The following TMEM132D variants were observed in gnomAD, a reference collection of about 807,000 sequenced individuals.
TMEM132D encodes the protein transmembrane protein 132D, also known as mature OL transmembrane protein.
Under a neutral mutation model 62.3 loss-of-function variants are expected in TMEM132D, and 21 were observed. That is an observed-to-expected ratio of 0.34 (90% CI 0.24 to 0.49). The LOEUF (loss-of-function observed/expected upper bound fraction) is 0.49. Among genes scored for constraint, TMEM132D ranks in the 20% least tolerant of loss-of-function variants. TMEM132D has a pLI of 0.99. For missense variants in TMEM132D, 1,346 were observed against 1,402.8 expected (o/e 0.96, Z 0.65); for synonymous variants, 621 against 575.6 (o/e 1.08, Z -1.13).
chr12:129,460,072 T>G (rs571985080), intron 3 of TMEM132D, among the ~76,000 whole-genome samples: 2 of 152,202 alleles, frequency 1.3e-5, no homozygotes, highest in Non-Finnish European at 2.9e-5. Context: ...GACTCACTTT[T>G]GGCAGCAGAC....
chr12:129,468,526 AAG>A (rs1260540354), intron 3 of TMEM132D, among the ~76,000 whole-genome samples: 4 of 152,148 alleles, frequency 2.6e-5, no homozygotes, highest in African/African-American at 9.7e-5. Context: ...AGCCTCAGAC[AAG>A]CTCCAAGGGC....
intron 3 of TMEM132D, among the ~76,000 whole-genome samples, chr12:129,488,914 T>C (rs551832927): frequency 5.9e-5 from 9 of 152,262 alleles, no homozygotes; most frequent in Non-Finnish European, 8.8e-5. Flanking sequence ...GCCTGGGTGA[T>C]AGATAGGCTC....
intron 3 of TMEM132D, among the ~76,000 whole-genome samples, chr12:129,517,340 T>C (rs1433715087): frequency 6.6e-6 from 1 of 152,194 alleles, no homozygotes; most frequent in Non-Finnish European, 1.5e-5. Context: ...TTGAAGAAGC[T>C]GGTACATATT....
intron 3 of TMEM132D, among the ~76,000 whole-genome samples, chr12:129,499,169 GA>G (rs1875050200): frequency 6.6e-6 from 1 of 152,028 alleles, no homozygotes; most frequent in Non-Finnish European, 1.5e-5. Flanking sequence ...AGACAATACT[GA>G]AAAACAAAAA....
chr12:129,735,142 A>C (rs184780926), intron 1 of TMEM132D, among the ~76,000 whole-genome samples: 2 of 152,382 alleles, frequency 1.3e-5, no homozygotes, highest in East Asian at 3.9e-4. Flanking sequence ...ACACCTCTTA[A>C]TTACAGAGCA....
intron 4 of TMEM132D, among the ~76,000 whole-genome samples, chr12:129,275,551 G>A (rs1474682438): frequency 6.6e-6 from 1 of 152,176 alleles, no homozygotes; most frequent in Non-Finnish European, 1.5e-5. Context: ...ATATCCCCTG[G>A]AGCTGAGACA....
At chr12:129,453,089 C>G (rs767126827) in intron 3 of TMEM132D, among the ~76,000 whole-genome samples, 4 of 152,190 alleles carry the variant, frequency 2.6e-5, no homozygotes, top group African/African-American at 9.6e-5. Context: ...CTATTGTGAA[C>G]TGCGTATGCA....
rs1159859983 is a variant in TMEM132D at position 129,356,302 on chromosome 12, G to A, written c.1116-18485C>T. On this transcript the variant is annotated intron_variant, in intron 3 of 8. Coordinates refer to ENST00000422113, the MANE Select transcript of TMEM132D (RefSeq NM_133448.3). ...CTCCCAAGTAGCTGGGACTACAGGC[G>A]CCCGCCACTACGCCCGGCTAATTTT... Among the ~76,000 whole-genome samples, 3 of 69,444 alleles carry A rather than the reference G, an allele frequency of 4.3e-5. 1 individual carries two copies. The highest frequency in any genetic ancestry group is 2.0e-4 in the African/African-American group (3 of 15,098). The allele number at this position is 69,444 out of a possible 152,430, so 45.6% of individuals were successfully genotyped here. A position where few individuals can be genotyped will look rare whatever the true frequency, so the allele number is the denominator to read the frequency against.
intron 3 of TMEM132D, among the ~76,000 whole-genome samples, chr12:129,529,463 T>A (rs1468089249): frequency 6.6e-6 from 1 of 152,242 alleles, no homozygotes; most frequent in Non-Finnish European, 1.5e-5. Flanking sequence ...TCTCTCTCTG[T>A]GTCCAAGATG....
chr12:129,182,934 C>T (rs1363966871), intron 5 of TMEM132D, among the ~76,000 whole-genome samples: 1 of 152,140 alleles, frequency 6.6e-6, no homozygotes, highest in African/African-American at 2.4e-5. Flanking sequence ...TGGAGCTGCT[C>T]ATGGGGTGGT....
At chr12:129,094,309 T>G (rs191956517) in intron 5 of TMEM132D, among the ~76,000 whole-genome samples, 1 of 152,288 alleles carries the variant, frequency 6.6e-6, no homozygotes, top group East Asian at 1.9e-4. Flanking sequence ...ATCCAGAATC[T>G]ACAATGAACT....
chr12:129,443,888 C>G (rs1593011128), intron 3 of TMEM132D, among the ~76,000 whole-genome samples: 1 of 152,158 alleles, frequency 6.6e-6, no homozygotes, highest in Admixed American at 6.5e-5. Flanking sequence ...GTCATCAAAA[C>G]TGCAAATTTT....
Position 129,598,374 on chromosome 12 carries a change from G to A in TMEM132D, c.969-67169C>T, listed in dbSNP as rs118157101. On this transcript the variant is annotated intron_variant, in intron 2 of 8. Coordinates refer to ENST00000422113, the MANE Select transcript of TMEM132D (RefSeq NM_133448.3). ...CACACCAAGCTTATCTCTGATGGAC[G>A]TGACTGACATCTGAAAAAAGATTTT... Among the ~76,000 whole-genome samples, 102 of 152,256 alleles carry A rather than the reference G, an allele frequency of 6.7e-4. No individual in the cohort carries two copies. In the East Asian group the frequency reaches 0.017, roughly 25 times the overall value.
intron 5 of TMEM132D, among the ~76,000 whole-genome samples, chr12:129,108,371 C>T (rs1875571333): frequency 1.3e-5 from 2 of 152,140 alleles, no homozygotes; most frequent in African/African-American, 2.4e-5. Context: ...GAGAGGCTGC[C>T]TGCTTTATTT....
At chr12:129,861,012 A>C (rs898096200) in intron 1 of TMEM132D, among the ~76,000 whole-genome samples, 5 of 152,232 alleles carry the variant, frequency 3.3e-5, no homozygotes, top group African/African-American at 1.2e-4. Flanking sequence ...GCCAAACCAT[A>C]TCAGTTTGCT....
chr12:129,878,265 C>T (rs543786357), intron 1 of TMEM132D, among the ~76,000 whole-genome samples: 2 of 152,300 alleles, frequency 1.3e-5, no homozygotes, highest in South Asian at 4.1e-4. Flanking sequence ...CTATTCTCGA[C>T]CTTCCTTTCC....
chr12:129,755,697 A>C (rs1420294221), intron 1 of TMEM132D, among the ~76,000 whole-genome samples: 1 of 152,178 alleles, frequency 6.6e-6, no homozygotes, highest in Admixed American at 6.5e-5. Flanking sequence ...TGAATCTGGA[A>C]AGATAGGGAA....
At chr12:129,759,214 G>A (rs906032852) in intron 1 of TMEM132D, among the ~76,000 whole-genome samples, 1 of 152,152 alleles carries the variant, frequency 6.6e-6, no homozygotes. Flanking sequence ...GATTATAGGC[G>A]TGAGCCACCA....
At chr12:129,758,868 G>C (rs954097572) in intron 1 of TMEM132D, among the ~76,000 whole-genome samples, 2 of 151,888 alleles carry the variant, frequency 1.3e-5, no homozygotes, top group African/African-American at 4.8e-5. Context: ...ATTTTATAGA[G>C]GTACAAACTG....
Sources: allele counts gnomAD v4.1 joint callset (sites outside exome capture counted in the v4.1 genomes callset), GRCh38; gene constraint gnomAD v4.1.1; transcripts MANE v1.5; gene names NCBI Gene and HGNC (gene_info 2026-07-23, HGNC 2026-07-21).